CCDC148: variants seen among roughly 807,000 people sequenced by gnomAD.
CCDC148 encodes coiled-coil domain containing 148, also known as coiled-coil domain-containing protein 148.
In CCDC148, 89 loss-of-function variants were observed where a neutral mutation model predicts 85.7. That is an observed-to-expected ratio of 1.04 (90% CI 0.87 to 1.24). The LOEUF (loss-of-function observed/expected upper bound fraction) is 1.24. Among genes scored for constraint, CCDC148 ranks in the 50% most tolerant of loss-of-function variants. The pLI is 0.00. For missense variants in CCDC148, 692 were observed against 671.7 expected (o/e 1.03, Z -0.33); for synonymous variants, 230 against 213.9 (o/e 1.08, Z -0.66).
chr2:158,416,623 C>A (rs1686511851), intron 1 of CCDC148, among the ~76,000 whole-genome samples: 1 of 152,210 alleles, frequency 6.6e-6, no homozygotes, highest in South Asian at 2.1e-4. Flanking sequence ...ACCACATCAG[C>A]CTCACTGTCC....
In CCDC148 at chr2:158,326,196, C is replaced by T. The variant is rs540772423; in HGVS notation, c.765-12302G>A. Among the ~76,000 whole-genome samples, 56 of 152,280 alleles carry T rather than the reference C, an allele frequency of 3.7e-4. No individual in the cohort carries two copies. The East Asian group carries it at 5.8e-3, about 16-fold the overall frequency. ...ACTGGCCTCTTGCCAGGCATACTCC[C>T]GCCTCAGTAAACATTGACTGGAATA... is the stretch of plus-strand genomic sequence containing the variant. On this transcript the variant is annotated intron_variant, in intron 7 of 13. Transcript: ENST00000283233.
At chr2:158,319,299 T>C (rs1692420705) in intron 7 of CCDC148, among the ~76,000 whole-genome samples, 1 of 152,182 alleles carries the variant, frequency 6.6e-6, no homozygotes, top group Non-Finnish European at 1.5e-5. Flanking sequence ...GCAGTGAATC[T>C]GGATTGATTT....
At chr2:158,392,203 T>C (rs750744071) in intron 1 of CCDC148, among the ~76,000 whole-genome samples, 6 of 152,154 alleles carry the variant, frequency 3.9e-5, no homozygotes, top group Non-Finnish European at 8.8e-5. Flanking sequence ...ATTCAATATT[T>C]ACTGAGCATA....
intron 3 of CCDC148, among the ~76,000 whole-genome samples, chr2:158,342,413 G>A (rs1318088689): frequency 6.6e-6 from 1 of 152,154 alleles, no homozygotes; most frequent in Non-Finnish European, 1.5e-5. Flanking sequence ...CCAGCAGGTA[G>A]TTTCTGCCAG....
At position 158,284,202 on chromosome 2, in the gene CCDC148, C is replaced by T. The variant is rs190728479; in HGVS notation, c.1110+25231G>A. ...ATGACGAGTTAGTGGGTGAAGCGCA[C>T]CAGCATGTCACATGTATACATACGT... On this transcript the variant is annotated intron_variant, in intron 9 of 13. Coordinates refer to ENST00000283233, the MANE Select transcript of CCDC148 (RefSeq NM_138803.4). Among the ~76,000 whole-genome samples the T allele has an allele frequency of 3.2e-3, 490 of 151,552 alleles. 1 individual carries two copies. Among genetic ancestry groups the T allele is most frequent in the Admixed American group, 4.9e-3 (74 of 15,224 alleles).
intron 1 of CCDC148, among the ~76,000 whole-genome samples, chr2:158,429,801 T>C (rs1687256812): frequency 1.3e-5 from 2 of 152,104 alleles, no homozygotes; most frequent in African/African-American, 4.8e-5. Context: ...AGGCAAAACA[T>C]GTCTGTGATC....
At chr2:158,311,899 A>C (rs1020695009) in intron 8 of CCDC148, among the ~76,000 whole-genome samples, 1 of 152,196 alleles carries the variant, frequency 6.6e-6, no homozygotes, top group Non-Finnish European at 1.5e-5. Context: ...ATCCATGGGA[A>C]TTAGCAGTCT....
chr2:158,321,871 G>A (rs1359398299), intron 7 of CCDC148, among the ~76,000 whole-genome samples: 4 of 152,108 alleles, frequency 2.6e-5, no homozygotes, highest in Non-Finnish European at 5.9e-5. Context: ...ACTATGCATA[G>A]ATTTCTCTTT....
intron 11 of CCDC148, among the ~76,000 whole-genome samples, chr2:158,192,521 T>C (rs1469683493): frequency 6.6e-6 from 1 of 152,000 alleles, no homozygotes; most frequent in Non-Finnish European, 1.5e-5. Flanking sequence ...TTTAATAAAG[T>C]TTACAATGGC....
At chr2:158,307,387 C>A (rs1443375203) in intron 9 of CCDC148, among the ~76,000 whole-genome samples, 1 of 152,088 alleles carries the variant, frequency 6.6e-6, no homozygotes, top group Non-Finnish European at 1.5e-5. Flanking sequence ...ACTCAGTCAC[C>A]ACGTTAGATG....
At chr2:158,378,299 A>T (rs1684737465) in intron 1 of CCDC148, among the ~76,000 whole-genome samples, 2 of 152,128 alleles carry the variant, frequency 1.3e-5, no homozygotes, top group African/African-American at 4.8e-5. Flanking sequence ...GCAAGGCCCT[A>T]ACTCTCTTTG....
chr2:158,316,110 A>T (rs1692270653), intron 7 of CCDC148, among the ~76,000 whole-genome samples: 1 of 152,202 alleles, frequency 6.6e-6, no homozygotes, highest in Non-Finnish European at 1.5e-5. Flanking sequence ...CGTAATTTTC[A>T]AAAATAGTTT....
At chr2:158,405,454 C>A (rs1685957526) in intron 1 of CCDC148, among the ~76,000 whole-genome samples, 1 of 151,952 alleles carries the variant, frequency 6.6e-6, no homozygotes, top group South Asian at 2.1e-4. Context: ...AATGGAACAG[C>A]CTTAATTGAG....
intron 11 of CCDC148, among the ~76,000 whole-genome samples, chr2:158,186,864 T>C (rs376956667): frequency 6.6e-6 from 1 of 152,036 alleles, no homozygotes; most frequent in Non-Finnish European, 1.5e-5. Context: ...TATCTCATTC[T>C]CTCCCCAGCT....
At chr2:158,351,168 A>G (rs1280665679) in intron 2 of CCDC148, among the ~76,000 whole-genome samples, 1 of 152,204 alleles carries the variant, frequency 6.6e-6, no homozygotes, top group Non-Finnish European at 1.5e-5. Flanking sequence ...TATTTGATAA[A>G]CACTGACTCC....
chr2:158,331,932 C>T (rs1300457352), intron 7 of CCDC148, among the ~76,000 whole-genome samples: 2 of 152,136 alleles, frequency 1.3e-5, no homozygotes, highest in Non-Finnish European at 2.9e-5. Context: ...CTGAATACAG[C>T]ACACTGATGG....
chr2:158,275,192 T>C (rs183807320), intron 9 of CCDC148, among the ~76,000 whole-genome samples: 3 of 152,186 alleles, frequency 2.0e-5, no homozygotes, highest in Non-Finnish European at 4.4e-5. Flanking sequence ...TAGAATAAAT[T>C]CTAGTCCCAA....
rs1452869107 is a variant in CCDC148, at chr2:158,240,450, TCTCACACACA to T, written c.1251+10312_1251+10321del. Among the ~76,000 whole-genome samples, 257 of 92,572 alleles carry T rather than the reference TCTCACACACA, an allele frequency of 2.8e-3. 2 individuals carry two copies. The highest frequency in any genetic ancestry group is 0.022 in the East Asian group (53 of 2,394). The allele number at this position is 92,572 out of a possible 152,430, so 60.7% of individuals were successfully genotyped here. A position where few individuals can be genotyped will look rare whatever the true frequency, so the allele number is the denominator to read the frequency against. On this transcript the variant is annotated intron_variant, in intron 10 of 13. Transcript: ENST00000283233. Reference sequence around the variant, plus strand: ...CACTCTCTCTTTCTCTCTCTCTCTCTCTCACACACACACACACACACACACACACACACAC... The same window carrying T: ...CACTCTCTCTTTCTCTCTCTCTCTCTCACACACACACACACACACACACAC...
chr2:158,253,393 G>C (rs1688877876), intron 9 of CCDC148, among the ~76,000 whole-genome samples: 1 of 151,534 alleles, frequency 6.6e-6, no homozygotes, highest in African/African-American at 2.4e-5. Flanking sequence ...GTGACTCAAA[G>C]TACCCCCTGC....
Sources: gnomAD v4.1 joint callset for allele counts (sites outside exome capture counted in the v4.1 genomes callset) on GRCh38, gnomAD v4.1.1 for gene constraint, MANE v1.5 for transcripts, NCBI Gene and HGNC (gene_info 2026-07-23, HGNC 2026-07-21) for gene names.